PHACTR3: variants seen among roughly 807,000 people sequenced by gnomAD.
The protein encoded by PHACTR3 is phosphatase and actin regulator 3.
A neutral mutation model predicts 66.8 loss-of-function variants in PHACTR3; 16 were observed. The ratio of observed to expected loss-of-function variants is 0.24; its 90% CI spans 0.16 to 0.36. The LOEUF (loss-of-function observed/expected upper bound fraction) is 0.36. Among genes scored for constraint, PHACTR3 ranks in the 10% least tolerant of loss-of-function variants. The pLI is 1.00. For missense variants in PHACTR3, 647 were observed against 719.9 expected (o/e 0.90, Z 1.16); for synonymous variants, 323 against 292.1 (o/e 1.11, Z -1.08).
intron 1 of PHACTR3, among the ~76,000 whole-genome samples, chr20:59,710,766 C>T (rs1426635483): frequency 1.1e-5 from 1 of 90,404 alleles, no homozygotes; most frequent in East Asian, 2.5e-4. Flanking sequence ...CTTACCATGG[C>T]TTTCCCTCAC....
At chr20:59,840,344 T>C in intron 9 of PHACTR3, 25 bp from the exon 10 acceptor site, 1 of 1,599,124 alleles carries the variant, frequency 6.3e-7, no homozygotes, top group Non-Finnish European at 8.5e-7. Context: ...TGTTATTTTT[T>C]TTTTCCTATT....
In PHACTR3 at chr20:59,644,606, G is replaced by A. The variant is rs16982976; in HGVS notation, c.118+39474G>A. ...TGAATGGGCAAATGTATCCTTTGGC[G>A]GTACGAGACAGAAGCTGGTGGTCCT... On this transcript the variant is annotated intron_variant, in intron 1 of 12. Transcript: ENST00000371015. 5.1e-3 allele frequency among the ~76,000 whole-genome samples: 775 copies of A among 152,280 alleles called. 6 individuals are homozygous for A. The highest frequency in any genetic ancestry group is 0.033 in the East Asian group (168 of 5,164).
intron 10 of PHACTR3, 151 bp from the exon 11 acceptor site, chr20:59,841,244 C>A: frequency 1.4e-6 from 1 of 694,312 alleles, no homozygotes; most frequent in African/African-American, 1.8e-5. Flanking sequence ...CAGCCCTTCA[C>A]ATTAGAGATT....
chr20:59,805,949 G>A (rs952614048), intron 7 of PHACTR3, 92 bp from the exon 8 acceptor site: 1 of 1,381,210 alleles, frequency 7.2e-7, no homozygotes, highest in African/African-American at 1.5e-5. Flanking sequence ...CCTTCCTCTG[G>A]CAGGTGGGCG....
At chr20:59,605,159 C>T in intron 1 of PHACTR3, 27 bp downstream of exon 1, 4 of 247,606 alleles carry the variant, frequency 1.6e-5, no homozygotes, top group Non-Finnish European at 3.0e-5. Flanking sequence ...GGGCGGCGGG[C>T]GGGTCGGGGA....
chr20:59,582,892 T>C (rs2032902998), intron 1 of PHACTR3, among the ~76,000 whole-genome samples: 1 of 152,190 alleles, frequency 6.6e-6, no homozygotes, highest in Non-Finnish European at 1.5e-5. Context: ...CCTTGGTTGA[T>C]AGAAGCTTTT....
chr20:59,583,245 G>GATCT (rs1049685153), intron 1 of PHACTR3, among the ~76,000 whole-genome samples: 27 of 152,212 alleles, frequency 1.8e-4, no homozygotes, highest in African/African-American at 6.3e-4. Context: ...TTAACCCAGG[G>GATCT]ATCTGTTGAT....
chr20:59,580,728 C>T (rs2013068008), intron 1 of PHACTR3, among the ~76,000 whole-genome samples: 1 of 152,156 alleles, frequency 6.6e-6, no homozygotes, highest in Admixed American at 6.5e-5. Context: ...AGAGTCGGGG[C>T]TGGGCAAGGC....
chr20:59,733,067 C>T (rs2038824981), intron 1 of PHACTR3, among the ~76,000 whole-genome samples: 1 of 120,818 alleles, frequency 8.3e-6, no homozygotes, highest in Non-Finnish European at 1.7e-5. Context: ...TGAATAAATT[C>T]ACTCCTTTTT....
chr20:59,665,998 G>A (rs908616783), intron 1 of PHACTR3, among the ~76,000 whole-genome samples: 1 of 152,148 alleles, frequency 6.6e-6, no homozygotes, highest in Non-Finnish European at 1.5e-5. Context: ...TTTGAGTGAG[G>A]AGGAAGAGAC....
rs367615885 is a variant in PHACTR3, at chr20:59,744,846, C to A, written c.280+1578C>A. Among the ~76,000 whole-genome samples, 4 of 152,284 alleles carry A rather than the reference C, an allele frequency of 2.6e-5. No individual in the cohort carries two copies. The East Asian group carries it at 5.8e-4, about 22-fold the overall frequency. On this transcript the variant is annotated intron_variant, in intron 2 of 12. Coordinates refer to ENST00000371015, the MANE Select transcript of PHACTR3 (RefSeq NM_080672.5). ...TTCCGCAGAGTAGGGAGTCGAGTGA[C>A]AAAGTGTGGAAGCCACCAAGTGAAC...
At chr20:59,616,984 C>T (rs904060177) in intron 1 of PHACTR3, among the ~76,000 whole-genome samples, 4 of 152,144 alleles carry the variant, frequency 2.6e-5, no homozygotes, top group African/African-American at 9.7e-5. Flanking sequence ...GAGTCTAATA[C>T]AGCCTGCCTT....
At chr20:59,841,240 T>C (rs1235435915) in intron 10 of PHACTR3, among the ~76,000 whole-genome samples, 155 bp from the exon 11 acceptor site, 2 of 152,202 alleles carry the variant, frequency 1.3e-5, no homozygotes, top group African/African-American at 4.8e-5. Flanking sequence ...ATTTCAGCCC[T>C]TCACATTAGA....
chr20:59,625,511 T>G (rs2146376823), intron 1 of PHACTR3, among the ~76,000 whole-genome samples: 1 of 152,262 alleles, frequency 6.6e-6, no homozygotes, highest in African/African-American at 2.4e-5. Flanking sequence ...CTCCCAAAGC[T>G]GATGTTAAAA....
At chr20:59,763,685 C>T (rs1400518932) in intron 4 of PHACTR3, among the ~76,000 whole-genome samples, 1 of 152,172 alleles carries the variant, frequency 6.6e-6, no homozygotes, top group Non-Finnish European at 1.5e-5. Flanking sequence ...TGAGAATGAC[C>T]TGTGAGAAGG....
chr20:59,701,125 A>T (rs2037493538), intron 1 of PHACTR3, among the ~76,000 whole-genome samples: 1 of 152,274 alleles, frequency 6.6e-6, no homozygotes, highest in East Asian at 1.9e-4. Context: ...TGTCCAAGCC[A>T]TATATGAAAC....
intron 8 of PHACTR3, among the ~76,000 whole-genome samples, chr20:59,814,101 C>T (rs1004592934): frequency 6.6e-6 from 1 of 152,176 alleles, no homozygotes; most frequent in East Asian, 1.9e-4. Context: ...GATGAGGAGG[C>T]CTGGCTCTCC....
chr20:59,755,957 G>C (rs2039777854), intron 4 of PHACTR3, among the ~76,000 whole-genome samples: 1 of 152,138 alleles, frequency 6.6e-6, no homozygotes, highest in Admixed American at 6.5e-5. Flanking sequence ...CTGTTAAATG[G>C]GAAAAGTAAT....
At position 59,752,154 on chromosome 20, in the gene PHACTR3, C is replaced by T. The variant is rs368815366; in HGVS notation, c.359-3028C>T. Among the ~76,000 whole-genome samples, 8 of 152,306 alleles carry T rather than the reference C, an allele frequency of 5.3e-5. No individual in the cohort carries two copies. The East Asian group carries it at 1.2e-3, about 22-fold the overall frequency. On this transcript the variant is annotated intron_variant, in intron 3 of 12. Coordinates refer to ENST00000371015, the MANE Select transcript of PHACTR3 (RefSeq NM_080672.5). The stretch of plus-strand genomic sequence containing the variant: ...TGACAAATCAAGTCTATCTGGTTTC[C>T]ATGTGGTAGGAACGCCGGGGGACAC...
Sources: allele counts gnomAD v4.1 joint callset (sites outside exome capture counted in the v4.1 genomes callset), GRCh38; gene constraint gnomAD v4.1.1; transcripts MANE v1.5; gene names NCBI Gene and HGNC (gene_info 2026-07-23, HGNC 2026-07-21).